The following NAT10 variants were observed in gnomAD, a reference collection of about 807,000 sequenced individuals.
The protein encoded by NAT10 is RNA cytidine acetyltransferase.
NAT10 carries 109 observed loss-of-function variants against 132.2 expected under a neutral mutation model. The ratio of observed to expected loss-of-function variants is 0.82; its 90% CI spans 0.71 to 0.97. NAT10 has a LOEUF of 0.97. NAT10 is among the 50% of genes least tolerant of loss of function. The probability of loss-of-function intolerance (pLI) is 0.00; values close to 1 mark genes in which losing one functional copy is unlikely to be tolerated. For synonymous variants in NAT10, 479 were observed against 478.0 expected (o/e 1.00, Z -0.03); for missense variants, 1,184 against 1,263.4 (o/e 0.94, Z 0.95).
At chr11:34,139,763 A>G (rs1852287227) in intron 23 of NAT10, among the ~76,000 whole-genome samples, 1 of 152,120 alleles carries the variant, frequency 6.6e-6, no homozygotes, top group Non-Finnish European at 1.5e-5. Context: ...GCCGATTTAC[A>G]TCTGTGCTCT....
At chr11:34,132,337 G>A (rs1366708600) in intron 15 of NAT10, 116 bp downstream of exon 15, 1 of 830,166 alleles carries the variant, frequency 1.2e-6, no homozygotes, top group Non-Finnish European at 2.1e-6. Context: ...GTTCCATTGG[G>A]ACATTGATGA....
At chr11:34,123,426 C>G (rs138713073) in intron 9 of NAT10, among the ~76,000 whole-genome samples, 2 of 152,248 alleles carry the variant, frequency 1.3e-5, no homozygotes, top group East Asian at 1.9e-4. Context: ...ATTGAGCTCC[C>G]CAGCTTCACC....
rs1565117617 is a variant in NAT10, at chr11:34,136,595, T to C, written c.2029-47T>C. 4.3e-6 allele frequency: 7 copies of C among 1,612,210 alleles called. No homozygotes were observed. The Admixed American group carries it at 8.3e-5, about 19-fold the overall frequency. On this transcript the variant is annotated intron_variant, in intron 19 of 28. Coordinates refer to ENST00000257829, the MANE Select transcript of NAT10 (RefSeq NM_024662.3). ...GCGGCAGGGTGCTTGACGATGTCTC[T>C]CTCCCTCTGCTGAATGGACTGTGTT... is the stretch of plus-strand genomic sequence containing the variant.
intron 12 of NAT10, among the ~76,000 whole-genome samples, chr11:34,129,061 G>A (rs1852052469): frequency 6.6e-6 from 1 of 152,106 alleles, no homozygotes; most frequent in Non-Finnish European, 1.5e-5. Context: ...GGACATTTGG[G>A]TTATTTCTCC....
At position 34,136,892 on chromosome 11, in the gene NAT10, G is replaced by C. The variant is rs559112769; in HGVS notation, c.2163-86G>C. ...GGTGCTAGCCTGCTATTTGTGGCGT[G>C]CTCTTCCTGGCTCTTGCCCTTGTGT... is the stretch of plus-strand genomic sequence containing the variant. On this transcript the variant is annotated intron_variant, in intron 20 of 28. Coordinates refer to ENST00000257829, the MANE Select transcript of NAT10 (RefSeq NM_024662.3). 1.2e-5 allele frequency: 19 copies of C among 1,608,674 alleles called. No individual in the cohort carries two copies. In the African/African-American group the frequency reaches 2.3e-4, roughly 19 times the overall value.
intron 5 of NAT10, 106 bp from the exon 6 acceptor site, chr11:34,115,717 T>G: frequency 9.1e-7 from 1 of 1,095,096 alleles, no homozygotes; most frequent in Non-Finnish European, 1.3e-6. Flanking sequence ...TGATTTTGTT[T>G]CCAGCAAGAT....
intron 8 of NAT10, among the ~76,000 whole-genome samples, chr11:34,119,940 G>A (rs1046230992): frequency 6.6e-6 from 1 of 152,170 alleles, no homozygotes; most frequent in African/African-American, 2.4e-5. Context: ...CCAGTTGATG[G>A]AACTATCCAG....
At chr11:34,106,172 C>T (rs1851591402) in intron 1 of NAT10, 1 of 152,306 alleles carries the variant, frequency 6.6e-6, no homozygotes, top group African/African-American at 2.4e-5. Flanking sequence ...GATCCTTCCA[C>T]GTTCTTAAAT....
Position 34,132,170 on chromosome 11 carries a change from T to C in NAT10, c.1566T>C (p.Ser522=). ...CCCTCTTTTGCTACCACAAGGCCTC[T>C]GAAGTTTTCCTCCAACGGCTTATGG... is the stretch of plus-strand genomic sequence containing the variant. ...RDTLFCYHKA[S]EVFLQRLMAL... The change falls in exon 15 of 29, where the codon TCT becomes TCC. Residue 522 remains serine, a synonymous_variant. Coordinates refer to ENST00000257829, the MANE Select transcript of NAT10 (RefSeq NM_024662.3). 1 of 1,614,212 alleles carries C rather than the reference T, an allele frequency of 6.2e-7. No homozygotes were observed. The highest frequency in any genetic ancestry group is 8.5e-7 in the Non-Finnish European group (1 of 1,180,020).
At chr11:34,132,914 C>G (rs1443261942) in intron 15 of NAT10, 112 bp from the exon 16 acceptor site, 6 of 816,356 alleles carry the variant, frequency 7.3e-6, no homozygotes, top group Non-Finnish European at 1.0e-5. Flanking sequence ...CTGCTCCTCA[C>G]TTGGCTTTGG....
chr11:34,137,674 T>C (rs1475431883), intron 21 of NAT10, among the ~76,000 whole-genome samples: 3 of 152,174 alleles, frequency 2.0e-5, no homozygotes, highest in East Asian at 1.9e-4. Context: ...GTAAATACTT[T>C]TGTTGAGTGA....
intron 1 of NAT10, among the ~76,000 whole-genome samples, chr11:34,107,985 A>G (rs1357808086): frequency 6.6e-6 from 1 of 152,196 alleles, no homozygotes; most frequent in African/African-American, 2.4e-5. Flanking sequence ...AATAGAGGTG[A>G]ATTACAGGCT....
intron 21 of NAT10, 23 bp from the exon 22 acceptor site, chr11:34,139,168 A>G (rs1475644251): frequency 9.3e-6 from 15 of 1,605,706 alleles, no homozygotes; most frequent in Non-Finnish European, 1.3e-5. Context: ...TCTTGGTGCC[A>G]GTTAAACCTC....
At chr11:34,135,045 T>C in intron 18 of NAT10, 130 bp from the exon 19 acceptor site, 1 of 712,686 alleles carries the variant, frequency 1.4e-6, no homozygotes, top group Non-Finnish European at 2.4e-6. Flanking sequence ...AGGGTTTTCA[T>C]TGGTTCTCTT....
At chr11:34,131,613 A>G (rs1852106637) in intron 14 of NAT10, 82 bp downstream of exon 14, 4 of 1,405,874 alleles carry the variant, frequency 2.8e-6, no homozygotes, top group African/African-American at 1.5e-5. Flanking sequence ...CCTTTGTTTC[A>G]TAGGATGCTG....
At chr11:34,136,799 G>A (rs1467499042) in intron 20 of NAT10, 24 bp downstream of exon 20, 15 of 1,614,024 alleles carry the variant, frequency 9.3e-6, no homozygotes, top group African/African-American at 1.3e-5. Flanking sequence ...CTCCTTCCAC[G>A]GCATCACTCC....
chr11:34,139,754 C>T (rs1852286881), intron 23 of NAT10, among the ~76,000 whole-genome samples: 1 of 152,094 alleles, frequency 6.6e-6, no homozygotes, highest in African/African-American at 2.4e-5. Flanking sequence ...GTTATGGAGG[C>T]CGATTTACAT....
rs1852104359 is a variant in NAT10, at chr11:34,131,487, C to G, written c.1476C>G (p.Ile492Met). 1 of 1,614,034 alleles carries G rather than the reference C, an allele frequency of 6.2e-7. No homozygotes were observed. Reference protein sequence around the residue: ...NDLLCLDCLNITRIVSGCPLP... With the variant: ...NDLLCLDCLNMTRIVSGCPLP... Reference sequence around the variant, plus strand: ...TGCTGTGCCTGGATTGCCTCAACATCACTCGGATAGTCTCAGGCTGCCCCT... The same window carrying G: ...TGCTGTGCCTGGATTGCCTCAACATGACTCGGATAGTCTCAGGCTGCCCCT... Residue 492 changes from isoleucine to methionine, a missense_variant, in exon 14 of 29, where the codon ATC becomes ATG. Ile to Met is a conservative substitution (Grantham distance 10). Coordinates refer to ENST00000257829, the MANE Select transcript of NAT10 (RefSeq NM_024662.3).
intron 8 of NAT10, among the ~76,000 whole-genome samples, chr11:34,118,899 T>A (rs1438184527): frequency 1.3e-5 from 2 of 152,192 alleles, no homozygotes; most frequent in Non-Finnish European, 2.9e-5. Flanking sequence ...CATGATCCAC[T>A]ACATCTGGAC....
Sources: allele counts gnomAD v4.1 joint callset (sites outside exome capture counted in the v4.1 genomes callset), GRCh38; gene constraint gnomAD v4.1.1; transcripts MANE v1.5; gene names NCBI Gene and HGNC (gene_info 2026-07-23, HGNC 2026-07-21).